Variants in WNT10B observed in about 807,000 individuals in gnomAD.
WNT10B encodes the protein Wnt family member 10B.
A neutral mutation model predicts 32.7 loss-of-function variants in WNT10B; 26 were observed. That is an observed-to-expected ratio of 0.79 (90% confidence interval 0.58 to 1.10). The LOEUF is 1.10. WNT10B is among the 50% of genes least tolerant of loss of function. The pLI, the probability that WNT10B is intolerant of heterozygous loss-of-function variation, is 0.00. For missense variants in WNT10B, 474 were observed against 532.5 expected, an observed-to-expected ratio of 0.89 and a Z score of 1.08; for synonymous variants, 204 against 220.4, an observed-to-expected ratio of 0.93 and a Z score of 0.66.
In WNT10B at chr12:48,966,526, A is replaced by G; in HGVS notation, c.739T>C (p.Cys247Arg). The change falls in exon 5 of 5, where the codon TGC (cysteine) becomes CGC (arginine). Residue 247 changes from cysteine (C) to arginine (R), a missense_variant. Physicochemically the swap from Cys to Arg is radical, Grantham distance 180. Coordinates refer to ENST00000301061, the MANE Select transcript of WNT10B (RefSeq NM_003394.4). ...QVVTENLKRK[C>R]KCHGTSGSCQ... ...CTGCCTGATGTGCCATGACACTTGC[A>G]TTTCCGCTTCAGGTTTTCAGTTACC... 1.2e-6 allele frequency: 2 copies of G among 1,613,816 alleles called. No homozygotes were observed. The highest frequency in any genetic ancestry group is 1.7e-6 in the Non-Finnish European group (2 of 1,180,014).
In WNT10B at chr12:48,970,489, A is replaced by G; in HGVS notation, c.41T>C (p.Leu14Pro). 1 of 1,611,050 alleles carries G rather than the reference A, an allele frequency of 6.2e-7. No homozygotes were observed. Among genetic ancestry groups the G allele is most frequent in the Non-Finnish European group, 8.5e-7 (1 of 1,178,882 alleles). ...CAACGCCAGGAACAGGAGACCCGCG[A>G]GGCCCGAGGGCGGAGGCCGCGGCCG... Reference protein sequence around the residue: ...EPRPRPPPSGLAGLLFLALCS... With the variant: ...EPRPRPPPSGPAGLLFLALCS... The change falls in exon 2 of 5, where the codon CTC (leucine) becomes CCC (proline). Residue 14 changes from leucine to proline, a missense_variant. By Grantham distance (98) the Leu-to-Pro change is moderately conservative. Transcript: ENST00000301061. This position sits in a 1 kb window ranked among gnomAD's most constrained non-coding sequence, Gnocchi z 5.0.
chr12:48,968,334 G>C lies in WNT10B; in HGVS notation c.338-15C>G. 6.3e-7 allele frequency: 1 copy of C among 1,599,938 alleles called. No homozygotes were observed. Among genetic ancestry groups the C allele is most frequent in the South Asian group, 1.1e-5 (1 of 91,070 alleles). On this transcript the variant is annotated splice_polypyrimidine_tract_variant and intron_variant, in intron 3 of 4. Coordinates refer to ENST00000301061, the MANE Select transcript of WNT10B (RefSeq NM_003394.4). ...TTCTCGGAAACCTGGGGATGAGAAG[G>C]GTGTGATGGTGGAGGTAAGGTTGAC...
chr12:48,965,513 T>C lies in WNT10B; in HGVS notation c.*582A>G, dbSNP rs1940714085. On this transcript the variant is annotated 3_prime_UTR_variant, in exon 5 of 5. Coordinates refer to ENST00000301061, the MANE Select transcript of WNT10B (RefSeq NM_003394.4). Reference sequence around the variant, plus strand: ...AACATCTGAATGGAAGGAGACAACTTCCCTAAGGGCCTGGACAGACAACTC... The same window carrying C: ...AACATCTGAATGGAAGGAGACAACTCCCCTAAGGGCCTGGACAGACAACTC... The C allele has an allele frequency of 6.5e-6, 1 of 152,902 alleles. No individual in the cohort carries two copies. Among genetic ancestry groups the C allele is most frequent in the South Asian group, 2.1e-4 (1 of 4,832 alleles). 9.5% of individuals were successfully genotyped at this position (152,902 alleles called of 1,614,324 possible). A position where few individuals can be genotyped will look rare whatever the true frequency, so the allele number is the denominator to read the frequency against.
rs763489768 is a variant in WNT10B, at chr12:48,970,537, C to T, written c.-8G>A. On this transcript the variant is annotated 5_prime_UTR_variant, in exon 2 of 5. Transcript: ENST00000301061. The surrounding 1 kb of genome is among the most constrained non-coding windows in gnomAD (Gnocchi z 5.0). ...CCGGGGCTCCTCCAGCATGTCGAAG[C>T]CCGGAGGCTCCGGTGGGCAGATCGA... The T allele has an allele frequency of 8.3e-6, 13 of 1,570,156 alleles. No individual in the cohort carries two copies. The South Asian group carries it at 1.4e-4, about 17-fold the overall frequency.
intron 3 of WNT10B, among the ~76,000 whole-genome samples, chr12:48,968,792 T>G (rs894657839): frequency 2.0e-5 from 3 of 151,622 alleles, no homozygotes; most frequent in African/African-American, 4.9e-5. Context: ...TTTTTTGTTT[T>G]TTTTTTTTTA....
chr12:48,970,868 C>A lies in WNT10B; in HGVS notation c.-40-299G>T. ...ACACACACTCACTTGCAAACTCAGA[C>A]ACACAGACTCACAAACACTTGCTCC... On this transcript the variant is annotated intron_variant, in intron 1 of 4. Transcript: ENST00000301061. The surrounding 1 kb of genome is among the most constrained non-coding windows in gnomAD (Gnocchi z 5.0). 2.2e-6 allele frequency: 1 copy of A among 450,770 alleles called. No individual in the cohort carries two copies. Among genetic ancestry groups the A allele is most frequent in the Non-Finnish European group, 4.1e-6 (1 of 246,366 alleles). 27.9% of individuals were successfully genotyped at this position (450,770 alleles called of 1,614,324 possible). A position where few individuals can be genotyped will look rare whatever the true frequency, so the allele number is the denominator to read the frequency against.
chr12:48,967,094 G>A (rs566010810), intron 4 of WNT10B, among the ~76,000 whole-genome samples: 6 of 151,954 alleles, frequency 3.9e-5, no homozygotes, highest in East Asian at 1.9e-4. Context: ...AGGTTCAAGC[G>A]ATTCTCCTGC....
chr12:48,966,432 C>A lies in WNT10B; in HGVS notation c.833G>T (p.Arg278Leu), dbSNP rs200834178. The change falls in exon 5 of 5, where the codon CGG (arginine) becomes CTG (leucine). Residue 278 changes from arginine (R) to leucine (L), a missense_variant. Coordinates refer to ENST00000301061, the MANE Select transcript of WNT10B (RefSeq NM_003394.4). ...ATCAATGAAGATGGCCCGGCCCAGC[C>A]GCTCCCTCAACGCCGCCCCCACTGC... is the stretch of plus-strand genomic sequence containing the variant. ...FRAVGAALRERLGRAIFIDTH... is the reference protein window; with the variant it reads ...FRAVGAALRELLGRAIFIDTH... The A allele has an allele frequency of 6.2e-7, 1 of 1,614,048 alleles. No homozygotes were observed. The highest frequency in any genetic ancestry group is 8.5e-7 in the Non-Finnish European group (1 of 1,180,046).
chr12:48,969,650 A>G (rs888747669), intron 3 of WNT10B, among the ~76,000 whole-genome samples: 7 of 152,082 alleles, frequency 4.6e-5, no homozygotes, highest in Non-Finnish European at 8.8e-5. Context: ...AGGGGAGCAG[A>G]TTTAACCCTT....
At chr12:48,969,525 G>A (rs1436395223) in intron 3 of WNT10B, among the ~76,000 whole-genome samples, 2 of 152,000 alleles carry the variant, frequency 1.3e-5, no homozygotes, top group Non-Finnish European at 2.9e-5. Flanking sequence ...TTCTTCACCT[G>A]CTCAGGTGAG....
intron 3 of WNT10B, among the ~76,000 whole-genome samples, chr12:48,969,657 C>A (rs1444781490): frequency 6.6e-6 from 1 of 152,078 alleles, no homozygotes; most frequent in East Asian, 1.9e-4. Flanking sequence ...CAGATTTAAC[C>A]CTTAAACGGT....
intron 4 of WNT10B, among the ~76,000 whole-genome samples, chr12:48,967,411 G>T (rs540911366): frequency 6.6e-6 from 1 of 151,936 alleles, no homozygotes; most frequent in Non-Finnish European, 1.5e-5. Flanking sequence ...TGATCCACCC[G>T]CCTCGGCCTC....
At position 48,966,247 on chromosome 12, in the gene WNT10B, G is replaced by A; in HGVS notation, c.1018C>T (p.Leu340=). ...RGRACNKTSR[L]LDGCGSLCCG... ...CACAGGCTGCCACAGCCATCCAACA[G>A]GCGGCTGGTCTTGTTGCAGGCCCGG... Residue 340 remains leucine (L), a synonymous_variant, in exon 5 of 5, where the codon CTG becomes TTG. Coordinates refer to ENST00000301061, the MANE Select transcript of WNT10B (RefSeq NM_003394.4). 3 of 1,614,192 alleles carry A rather than the reference G, an allele frequency of 1.9e-6. No homozygotes were observed. The highest frequency in any genetic ancestry group is 2.5e-6 in the Non-Finnish European group (3 of 1,180,024).
chr12:48,969,979 A>T (rs1487739807), intron 3 of WNT10B, 110 bp downstream of exon 3: 34 of 1,275,946 alleles, frequency 2.7e-5, no homozygotes, highest in Non-Finnish European at 3.3e-5. Flanking sequence ...GAATTCCAGG[A>T]GAGGCCCCTC....
Position 48,970,412 on chromosome 12 carries a change from G to T in WNT10B, c.74+44C>A. 2 of 1,613,786 alleles carry T rather than the reference G, an allele frequency of 1.2e-6. No homozygotes were observed. The highest frequency in any genetic ancestry group is 1.7e-6 in the Non-Finnish European group (2 of 1,179,870). On this transcript the variant is annotated intron_variant, in intron 2 of 4. Transcript: ENST00000301061. The surrounding 1 kb of genome is among the most constrained non-coding windows in gnomAD (Gnocchi z 5.0). ...AGACCCCTCCAACTCTCCCCACCCC[G>T]GGTCGGTGTTTCTATGGCCTGGGAG...
At chr12:48,966,683 G>T (rs1940741199) in intron 4 of WNT10B, 130 bp from the exon 5 acceptor site, 1 of 1,046,344 alleles carries the variant, frequency 9.6e-7, no homozygotes, top group Non-Finnish European at 1.4e-6. Context: ...TGGTATATCA[G>T]AACAGAAAGG....
rs1940832843 is a variant in WNT10B at position 48,970,426 on chromosome 12, A to G, written c.74+30T>C. 3.1e-6 allele frequency: 5 copies of G among 1,613,726 alleles called. No individual in the cohort carries two copies. Among genetic ancestry groups the G allele is most frequent in the Non-Finnish European group, 4.2e-6 (5 of 1,179,858 alleles). On this transcript the variant is annotated intron_variant, in intron 2 of 4. Transcript: ENST00000301061. The surrounding 1 kb of genome is among the most constrained non-coding windows in gnomAD (Gnocchi z 5.0). ...CTCCCCACCCCGGGTCGGTGTTTCTATGGCCTGGGAGACAAGGGGAACTGC... is the reference window on the plus strand; with the variant it reads ...CTCCCCACCCCGGGTCGGTGTTTCTGTGGCCTGGGAGACAAGGGGAACTGC...
chr12:48,966,308 C>A lies in WNT10B; in HGVS notation c.957G>T (p.Glu319Asp), dbSNP rs1565715194. The change falls in exon 5 of 5, where the codon GAG becomes GAT. Residue 319 changes from glutamate to aspartate, a missense_variant. Glu to Asp is a conservative substitution (Grantham distance 45). Transcript: ENST00000301061. ...VYFEKSPDFC[E>D]RDPTMGSPGT... Reference sequence around the variant, plus strand: ...CTGGGGAGCCCATAGTGGGGTCTCGCTCACAGAAGTCAGGAGACTTCTCAA... The same window carrying A: ...CTGGGGAGCCCATAGTGGGGTCTCGATCACAGAAGTCAGGAGACTTCTCAA... The A allele has an allele frequency of 6.2e-7, 1 of 1,614,216 alleles. No individual in the cohort carries two copies. The highest frequency in any genetic ancestry group is 8.5e-7 in the Non-Finnish European group (1 of 1,180,046).
In WNT10B at chr12:48,970,766, A is replaced by C; in HGVS notation, c.-40-197T>G. The C allele has an allele frequency of 1.7e-6, 1 of 598,872 alleles. No homozygotes were observed. The highest frequency in any genetic ancestry group is 3.0e-6 in the Non-Finnish European group (1 of 338,092). 37.1% of individuals were successfully genotyped at this position (598,872 alleles called of 1,614,324 possible). ...TTGGAGGTCTTAAAGAAGAAGAGTC[A>C]AGGCGTTGTCCCAGCTCAGGACTCA... On this transcript the variant is annotated intron_variant, in intron 1 of 4. Transcript: ENST00000301061. The surrounding 1 kb of genome is among the most constrained non-coding windows in gnomAD (Gnocchi z 5.0).
Sources: gnomAD v4.1 joint callset for allele counts (sites outside exome capture counted in the v4.1 genomes callset) on GRCh38, gnomAD v4.1.1 for gene constraint, Gnocchi (gnomAD v3.1) non-coding constraint, MANE v1.5 for transcripts, NCBI Gene and HGNC (gene_info 2026-07-23, HGNC 2026-07-21) for gene names.